Variants in MAST2 observed in about 807,000 individuals in gnomAD.
The protein encoded by MAST2 is microtubule associated serine/threonine kinase 2.
MAST2 carries 70 observed loss-of-function variants against 147.4 expected under a neutral mutation model. The observed-to-expected ratio is 0.47, with a 90% CI of 0.39 to 0.58. The LOEUF (loss-of-function observed/expected upper bound fraction) is 0.58, where lower values mean the gene tolerates loss of function less well. Ranked by LOEUF, MAST2 falls within the 20% of genes least tolerant of loss-of-function variation. The pLI, the probability that MAST2 is intolerant of heterozygous loss-of-function variation, is 0.00. For missense variants in MAST2, 2,080 were observed against 2,302.3 expected, an observed-to-expected ratio of 0.90 and a Z score of 1.98; for synonymous variants, 869 against 896.8, an observed-to-expected ratio of 0.97 and a Z score of 0.55.
At chr1:45,832,200 A>T (rs1027695523) in intron 3 of MAST2, among the ~76,000 whole-genome samples, 1 of 152,118 alleles carries the variant, frequency 6.6e-6, no homozygotes, top group Non-Finnish European at 1.5e-5. Context: ...CCTAAAACAA[A>T]CAAACAAACA....
chr1:45,992,107 T>G (rs1644877111), intron 5 of MAST2, among the ~76,000 whole-genome samples: 1 of 152,126 alleles, frequency 6.6e-6, no homozygotes, highest in Admixed American at 6.6e-5. Flanking sequence ...ATCCTTGCCT[T>G]GTTCCTGTTC....
intron 5 of MAST2, among the ~76,000 whole-genome samples, chr1:45,987,782 T>TGA (rs1644703024): frequency 7.2e-6 from 1 of 139,390 alleles, no homozygotes; most frequent in African/African-American, 2.7e-5. Context: ...TTTTGATTTT[T>TGA]TTTTTTTTTT....
chr1:45,828,161 A>G (rs1020552829), intron 2 of MAST2, among the ~76,000 whole-genome samples: 2 of 152,086 alleles, frequency 1.3e-5, no homozygotes, highest in East Asian at 1.9e-4. Context: ...ACTTTCTTCT[A>G]TGTCTTAATT....
intron 6 of MAST2, chr1:46,000,850 A>G: frequency 1.4e-6 from 1 of 698,604 alleles, no homozygotes; most frequent in Non-Finnish European, 2.2e-6. Context: ...ACTATCACAC[A>G]TTCCTAAACA....
At chr1:45,857,989 C>A (rs1371455770) in intron 3 of MAST2, among the ~76,000 whole-genome samples, 2 of 151,608 alleles carry the variant, frequency 1.3e-5, no homozygotes, top group South Asian at 4.2e-4. Flanking sequence ...ATATGTGCCA[C>A]GTTTTCTTAA....
intron 4 of MAST2, among the ~76,000 whole-genome samples, chr1:45,956,744 T>G (rs536654135): frequency 6.6e-6 from 1 of 152,356 alleles, no homozygotes; most frequent in East Asian, 1.9e-4. Flanking sequence ...AATGGGCTTT[T>G]GGTATGGTGG....
At chr1:45,979,435 T>G (rs7546973) in intron 5 of MAST2, among the ~76,000 whole-genome samples, 36,593 of 103,754 alleles carry the variant, frequency 0.35, 5,136 homozygotes, top group East Asian at 0.51. Context: ...TTTTGTTTTT[T>G]TTTTTTTTTT....
intron 4 of MAST2, among the ~76,000 whole-genome samples, chr1:45,917,728 T>C (rs1265947725): frequency 6.6e-6 from 1 of 152,164 alleles, no homozygotes; most frequent in Non-Finnish European, 1.5e-5. Context: ...TATCAGTACT[T>C]GGATTTTTGA....
intron 4 of MAST2, among the ~76,000 whole-genome samples, chr1:45,952,166 A>G (rs1311437603): frequency 6.6e-6 from 1 of 152,258 alleles, no homozygotes; most frequent in African/African-American, 2.4e-5. Context: ...AAAAGTAGTA[A>G]CAACCCAAAT....
chr1:46,026,597 A>T (rs1357948136), intron 16 of MAST2, among the ~76,000 whole-genome samples: 1 of 152,152 alleles, frequency 6.6e-6, no homozygotes, highest in African/African-American at 2.4e-5. Context: ...CCAAAGAGAT[A>T]CCGAGACCAG....
intron 3 of MAST2, among the ~76,000 whole-genome samples, chr1:45,877,028 T>G (rs748184440): frequency 6.6e-6 from 1 of 152,234 alleles, no homozygotes; most frequent in Non-Finnish European, 1.5e-5. Flanking sequence ...ATATATTACC[T>G]TAGCACATTT....
chr1:46,018,094 A>C (rs1646033747), intron 10 of MAST2, among the ~76,000 whole-genome samples: 1 of 150,588 alleles, frequency 6.6e-6, no homozygotes, highest in Admixed American at 6.6e-5. Flanking sequence ...TACTTCCTAA[A>C]CTTCCTTCCC....
At chr1:45,838,410 A>G (rs1480486959) in intron 3 of MAST2, among the ~76,000 whole-genome samples, 1 of 150,184 alleles carries the variant, frequency 6.7e-6, no homozygotes, top group Non-Finnish European at 1.5e-5. Context: ...TTTAATAGAG[A>G]CGGGGTTTTG....
Position 45,894,444 on chromosome 1 carries a change from T to TA in MAST2, c.500+12050dup, listed in dbSNP as rs1407598251. Among the ~76,000 whole-genome samples, 4 of 152,280 alleles carry TA rather than the reference T, an allele frequency of 2.6e-5. No individual in the cohort carries two copies. In the East Asian group the frequency reaches 7.7e-4, roughly 29 times the overall value. ...AATTTTAAATAACTGTAGTTTTTTT[T>TA]ATGAGGAGCCCTATGCTTGCTTGAT... On this transcript the variant is annotated intron_variant, in intron 4 of 28. Transcript: ENST00000361297.
chr1:45,913,772 G>A, intron 4 of MAST2: 4 of 1,113,968 alleles, frequency 3.6e-6, no homozygotes, highest in Non-Finnish European at 4.4e-6. Context: ...TACCCCTTGT[G>A]TGAGAGAACT....
intron 4 of MAST2, among the ~76,000 whole-genome samples, chr1:45,890,237 A>G (rs1348990249): frequency 6.6e-6 from 1 of 152,266 alleles, no homozygotes; most frequent in African/African-American, 2.4e-5. Context: ...TCAGTTGTAA[A>G]TAAAGAACTA....
chr1:45,984,518 A>C (rs575491650), intron 5 of MAST2, among the ~76,000 whole-genome samples: 1 of 152,052 alleles, frequency 6.6e-6, no homozygotes, highest in Non-Finnish European at 1.5e-5. Flanking sequence ...GTTGTTGCCC[A>C]GGCTGGTCTT....
chr1:45,841,324 T>G (rs1645267279), intron 3 of MAST2, among the ~76,000 whole-genome samples: 1 of 152,156 alleles, frequency 6.6e-6, no homozygotes, highest in Non-Finnish European at 1.5e-5. Context: ...TTTAACAATA[T>G]GAACAAAATG....
At chr1:45,890,619 A>C (rs1349347760) in intron 4 of MAST2, among the ~76,000 whole-genome samples, 1 of 152,214 alleles carries the variant, frequency 6.6e-6, no homozygotes, top group Non-Finnish European at 1.5e-5. Context: ...TTCCTAAAGA[A>C]CCTATATGGA....
Sources: allele counts gnomAD v4.1 joint callset (sites outside exome capture counted in the v4.1 genomes callset), GRCh38; gene constraint gnomAD v4.1.1; transcripts MANE v1.5; gene names NCBI Gene and HGNC (gene_info 2026-07-23, HGNC 2026-07-21).